The following RXRA variants were observed in gnomAD, a reference collection of about 807,000 sequenced individuals.
RXRA encodes the protein retinoic acid receptor RXR-alpha.
Under a neutral mutation model 44.5 loss-of-function variants are expected in RXRA, and 5 were observed. The observed-to-expected ratio is 0.11, with a 90% CI of 0.06 to 0.24. The LOEUF (loss-of-function observed/expected upper bound fraction) is 0.24. RXRA is among the 10% of genes least tolerant of loss of function. RXRA has a pLI of 1.00. For synonymous variants in RXRA, 291 were observed against 271.4 expected (o/e 1.07, Z -0.71); for missense variants, 412 against 646.5 (o/e 0.64, Z 3.93).
intron 1 of RXRA, among the ~76,000 whole-genome samples, chr9:134,341,052 C>T (rs907964121): frequency 1.3e-4 from 20 of 152,202 alleles, no homozygotes; most frequent in African/African-American, 4.1e-4. Flanking sequence ...CACCTCTTGA[C>T]GGCCCACCTT....
chr9:134,375,626 C>T (rs1295334598), intron 1 of RXRA, among the ~76,000 whole-genome samples: 2 of 152,176 alleles, frequency 1.3e-5, no homozygotes, highest in Non-Finnish European at 2.9e-5. Context: ...GAACACGGGC[C>T]AGGGCCAGCG....
intron 4 of RXRA, among the ~76,000 whole-genome samples, chr9:134,414,600 G>A (rs1263453312): frequency 6.6e-6 from 1 of 152,256 alleles, no homozygotes; most frequent in Non-Finnish European, 1.5e-5. Flanking sequence ...CCCAGGGCCT[G>A]CAGCTTTAGG....
intron 1 of RXRA, among the ~76,000 whole-genome samples, chr9:134,375,932 C>T (rs1830550170): frequency 6.9e-6 from 1 of 143,996 alleles, no homozygotes; most frequent in African/African-American, 2.8e-5. Context: ...AGCTGCCGGC[C>T]GCCCTCCCTC....
intron 1 of RXRA, among the ~76,000 whole-genome samples, chr9:134,358,629 G>A (rs1222606647): frequency 2.0e-5 from 3 of 152,222 alleles, no homozygotes; most frequent in Non-Finnish European, 2.9e-5. Context: ...TTTGGATGCT[G>A]TTCCAGCCCA....
At chr9:134,396,782 A>G (rs367592548) in intron 1 of RXRA, among the ~76,000 whole-genome samples, 149 of 152,168 alleles carry the variant, frequency 9.8e-4, no homozygotes, top group African/African-American at 3.2e-3. Flanking sequence ...GCCAGATTGG[A>G]TGGTCCGGGT....
chr9:134,424,619 C>T, intron 6 of RXRA: 1 of 985,488 alleles, frequency 1.0e-6, no homozygotes, highest in Non-Finnish European at 1.2e-6. Context: ...AGCAGCTCAC[C>T]CATCAGGTGG....
intron 2 of RXRA, 120 bp downstream of exon 2, chr9:134,402,002 T>C (rs1226217564): frequency 1.2e-6 from 1 of 855,114 alleles, no homozygotes; most frequent in Non-Finnish European, 1.8e-6. Context: ...GTCTCCCCGC[T>C]TGACGCAGAG....
intron 1 of RXRA, among the ~76,000 whole-genome samples, chr9:134,352,561 C>T (rs782122367): frequency 3.3e-5 from 5 of 152,158 alleles, no homozygotes; most frequent in Non-Finnish European, 7.4e-5. Context: ...GGCGTCTGTC[C>T]GGACCACCCA....
In RXRA at chr9:134,407,266, G is replaced by A. The variant is rs1831066835; in HGVS notation, c.280-883G>A. On this transcript the variant is annotated intron_variant, in intron 2 of 9. Transcript: ENST00000481739. The surrounding 1 kb of genome is among the most constrained non-coding windows in gnomAD (Gnocchi z 4.8). ...GGGGGATGGGATTTGGAGGCCTGAG[G>A]AAGGAAGGAGGGGAGCTTCCTGCGC... Among the ~76,000 whole-genome samples, 1 of 152,246 alleles carries A rather than the reference G, an allele frequency of 6.6e-6. No homozygotes were observed. Among genetic ancestry groups the A allele is most frequent in the East Asian group, 1.9e-4 (1 of 5,192 alleles).
At chr9:134,350,092 T>TG (rs1356799111) in intron 1 of RXRA, among the ~76,000 whole-genome samples, 1 of 145,866 alleles carries the variant, frequency 6.9e-6, no homozygotes, top group Non-Finnish European at 1.5e-5. Context: ...GGGTGGAAGG[T>TG]GGGGGTACAG....
intron 1 of RXRA, among the ~76,000 whole-genome samples, chr9:134,363,906 G>T (rs1190785289): frequency 6.6e-6 from 1 of 152,168 alleles, no homozygotes; most frequent in African/African-American, 2.4e-5. Context: ...TTGGGGAAAA[G>T]CCTCCCCTAA....
At chr9:134,428,563 C>A (rs188439195) in intron 6 of RXRA, among the ~76,000 whole-genome samples, 1 of 146,846 alleles carries the variant, frequency 6.8e-6, no homozygotes, top group African/African-American at 2.5e-5. Flanking sequence ...GTTACCTAAC[C>A]ACCCGCCCCA....
chr9:134,331,588 C>T (rs1309386384), intron 1 of RXRA, among the ~76,000 whole-genome samples: 4 of 152,218 alleles, frequency 2.6e-5, no homozygotes, highest in African/African-American at 9.6e-5. Context: ...TAAATCTCCC[C>T]AACTTGTCCA....
At chr9:134,363,674 C>T (rs1830380554) in intron 1 of RXRA, among the ~76,000 whole-genome samples, 2 of 152,212 alleles carry the variant, frequency 1.3e-5, no homozygotes, top group South Asian at 2.1e-4. Flanking sequence ...GTGGCTGGCA[C>T]GGTTTGGCTG....
At chr9:134,332,964 C>T (rs1470576020) in intron 1 of RXRA, among the ~76,000 whole-genome samples, 3 of 152,106 alleles carry the variant, frequency 2.0e-5, no homozygotes, top group Non-Finnish European at 2.9e-5. Flanking sequence ...GCCTGGGGGT[C>T]GTCTTTCCCG....
rs1359792681 is a variant in RXRA at position 134,426,298 on chromosome 9, T to C, written c.911-2810T>C. The C allele has an allele frequency of 1.0e-6, 1 of 985,304 alleles. No homozygotes were observed. The highest frequency in any genetic ancestry group is 1.2e-6 in the Non-Finnish European group (1 of 829,930). 61.0% of individuals were successfully genotyped at this position (985,304 alleles called of 1,614,324 possible). A position where few individuals can be genotyped will look rare whatever the true frequency, so the allele number is the denominator to read the frequency against. The stretch of plus-strand genomic sequence containing the variant: ...ACATCACAGGGCCAGGAGCCCTCCT[T>C]CCTGCAGCGATGGAGCACTTAGGAA... On this transcript the variant is annotated intron_variant, in intron 6 of 9. Transcript: ENST00000481739. The surrounding 1 kb of genome is among the most constrained non-coding windows in gnomAD (Gnocchi z 4.6).
rs1831268140 is a variant in RXRA, at chr9:134,417,989, A to G, written c.780+662A>G. On this transcript the variant is annotated intron_variant, in intron 5 of 9. Coordinates refer to ENST00000481739, the MANE Select transcript of RXRA (RefSeq NM_002957.6). The surrounding 1 kb of genome is among the most constrained non-coding windows in gnomAD (Gnocchi z 6.1). ...AGCTGGTCCTGGAGGTGTTGGATTCAAGACCCCCTGGCCTCGCCCTCCTCT... is the reference window on the plus strand; with the variant it reads ...AGCTGGTCCTGGAGGTGTTGGATTCGAGACCCCCTGGCCTCGCCCTCCTCT... 2.0e-5 allele frequency among the ~76,000 whole-genome samples: 3 copies of G among 151,862 alleles called. No homozygotes were observed. Among genetic ancestry groups the G allele is most frequent in the Admixed American group, 2.0e-4 (3 of 15,268 alleles).
chr9:134,392,157 G>A (rs1375973312), intron 1 of RXRA, among the ~76,000 whole-genome samples: 2 of 152,200 alleles, frequency 1.3e-5, no homozygotes, highest in East Asian at 1.9e-4. Flanking sequence ...ACATGCAGGC[G>A]ATTGGGGCTC....
intron 1 of RXRA, among the ~76,000 whole-genome samples, chr9:134,331,273 G>A (rs1554746591): frequency 6.6e-6 from 1 of 152,236 alleles, no homozygotes; most frequent in African/African-American, 2.4e-5. Context: ...GCGCCTCACA[G>A]ACAGGGAAAT....
Sources: gnomAD v4.1 joint callset for allele counts (sites outside exome capture counted in the v4.1 genomes callset) on GRCh38, gnomAD v4.1.1 for gene constraint, Gnocchi (gnomAD v3.1) non-coding constraint, MANE v1.5 for transcripts, NCBI Gene and HGNC (gene_info 2026-07-23, HGNC 2026-07-21) for gene names.